OAS3: variants seen among roughly 807,000 people sequenced by gnomAD.
OAS3 encodes 2'-5'-oligoadenylate synthase 3.
Under a neutral mutation model 113.0 loss-of-function variants are expected in OAS3, and 107 were observed. The ratio of observed to expected loss-of-function variants is 0.95; its 90% CI spans 0.81 to 1.11. The LOEUF (loss-of-function observed/expected upper bound fraction) is 1.11, where lower values mean the gene tolerates loss of function less well. OAS3 is among the 50% of genes most tolerant of loss of function. The pLI is 0.00. For synonymous variants in OAS3, 552 were observed against 573.6 expected (o/e 0.96, Z 0.54); for missense variants, 1,258 against 1,389.1 (o/e 0.91, Z 1.50).
chr12:112,940,543 G>A (rs2043670501), intron 1 of OAS3, among the ~76,000 whole-genome samples: 1 of 152,174 alleles, frequency 6.6e-6, no homozygotes, highest in East Asian at 1.9e-4. Flanking sequence ...TCCTCAGGTT[G>A]GAAGCTTTGC....
intron 7 of OAS3, among the ~76,000 whole-genome samples, chr12:112,959,174 G>A (rs187968474): frequency 1.3e-5 from 2 of 152,298 alleles, no homozygotes; most frequent in Admixed American, 6.5e-5. Context: ...CTGGTGTGCC[G>A]TTTGCTAAGA....
In OAS3 at chr12:112,948,035, C is replaced by A. The variant is rs1201736751; in HGVS notation, c.965C>A (p.Ser322Tyr). ...GATTTGCTAGCCCAGGAGGCAGCATCCTGCTATGACCACCCATGCTTTCTG... is the reference window on the plus strand; with the variant it reads ...GATTTGCTAGCCCAGGAGGCAGCATACTGCTATGACCACCCATGCTTTCTG... ...HWDLLAQEAA[S>Y]CYDHPCFLRG... is the part of the protein sequence containing the mutation. The change falls in exon 5 of 16, where the codon TCC (serine) becomes TAC (tyrosine). Residue 322 changes from serine (S) to tyrosine (Y), a missense_variant. By Grantham distance (144) the Ser-to-Tyr change is moderately radical. Coordinates refer to ENST00000228928, the MANE Select transcript of OAS3 (RefSeq NM_006187.4). 1.3e-6 allele frequency: 2 copies of A among 1,596,210 alleles called. No homozygotes were observed. Among genetic ancestry groups the A allele is most frequent in the South Asian group, 1.1e-5 (1 of 88,962 alleles).
intron 11 of OAS3, among the ~76,000 whole-genome samples, 199 bp downstream of exon 11, chr12:112,964,607 T>C (rs2043918181): frequency 6.6e-6 from 1 of 151,814 alleles, no homozygotes. Flanking sequence ...TGGTTGCTAG[T>C]GACACCTAAC....
In OAS3 at chr12:112,971,013, G is replaced by C. The variant is rs1205957762; in HGVS notation, c.*1040G>C. The stretch of plus-strand genomic sequence containing the variant: ...TGTTTCTCTCTGCCCTCTAGAGCAA[G>C]GCCCACCAGGTCCATCCAGGAGGCT... On this transcript the variant is annotated 3_prime_UTR_variant, in exon 16 of 16. Coordinates refer to ENST00000228928, the MANE Select transcript of OAS3 (RefSeq NM_006187.4). 1 of 152,306 alleles carries C rather than the reference G, an allele frequency of 6.6e-6. No individual in the cohort carries two copies. Among genetic ancestry groups the C allele is most frequent in the Non-Finnish European group, 1.5e-5 (1 of 68,146 alleles). The allele number at this position is 152,306 out of a possible 1,614,324, so 9.4% of individuals were successfully genotyped here. A position where few individuals can be genotyped will look rare whatever the true frequency, so the allele number is the denominator to read the frequency against.
rs1315232997 is a variant in OAS3, at chr12:112,969,694, G to T, written c.3191G>T (p.Cys1064Phe). The change falls in exon 15 of 16, where the codon TGC becomes TTC. Residue 1064 changes from cysteine (C) to phenylalanine (F), a missense_variant. Physicochemically the swap from Cys to Phe is radical, Grantham distance 205. Coordinates refer to ENST00000228928, the MANE Select transcript of OAS3 (RefSeq NM_006187.4). ...WDLLAKEAAA[C>F]TSALCCMGRN... Reference sequence around the variant, plus strand: ...CTGCTGGCCAAGGAAGCTGCAGCCTGCACATCTGCCCTGTGCTGCATGGGA... The same window carrying T: ...CTGCTGGCCAAGGAAGCTGCAGCCTTCACATCTGCCCTGTGCTGCATGGGA... 1 of 1,612,754 alleles carries T rather than the reference G, an allele frequency of 6.2e-7. No individual in the cohort carries two copies.
At position 112,970,260 on chromosome 12, in the gene OAS3, A is replaced by G. The variant is rs45437793; in HGVS notation, c.*287A>G. ...CTGTCACTTCCATGACTCTATCCTC[A>G]TACCACCACTGCTGCTTCCCACCCA... is the stretch of plus-strand genomic sequence containing the variant. On this transcript the variant is annotated 3_prime_UTR_variant, in exon 16 of 16. Coordinates refer to ENST00000228928, the MANE Select transcript of OAS3 (RefSeq NM_006187.4). 794 of 507,288 alleles carry G rather than the reference A, an allele frequency of 1.6e-3. No homozygotes were observed. Among genetic ancestry groups the G allele is most frequent in the African/African-American group, 0.013 (703 of 52,098 alleles). The allele number at this position is 507,288 out of a possible 1,614,324, so 31.4% of individuals were successfully genotyped here. A position where few individuals can be genotyped will look rare whatever the true frequency, so the allele number is the denominator to read the frequency against.
intron 7 of OAS3, among the ~76,000 whole-genome samples, chr12:112,957,103 G>A (rs1188641100): frequency 1.3e-5 from 2 of 152,118 alleles, no homozygotes; most frequent in East Asian, 3.8e-4. Flanking sequence ...GGCCTTCTTT[G>A]TCTCTTTTGA....
rs1363170262 is a variant in OAS3, at chr12:112,944,594, C to T, written c.579C>T (p.Asn193=). 1 of 1,614,086 alleles carries T rather than the reference C, an allele frequency of 6.2e-7. No individual in the cohort carries two copies. Residue 193 remains asparagine, a synonymous_variant, in exon 3 of 16, where the codon AAC becomes AAT. Transcript: ENST00000228928. ...CFTELRRNFV[N]IRPAKLKNLI... ...CAGAGCTGCGGAGGAACTTTGTGAA[C>T]ATTCGCCCAGCCAAGTTGAAGAACC...
At chr12:112,944,072 C>T (rs147381630) in intron 2 of OAS3, among the ~76,000 whole-genome samples, 11 of 152,298 alleles carry the variant, frequency 7.2e-5, no homozygotes, top group African/African-American at 2.6e-4. Flanking sequence ...TTTTCCTCTC[C>T]GTGACACCTC....
rs1345013153 is a variant in OAS3, at chr12:112,967,786, A to G, written c.2866-150A>G. ...GATGGGGGTGATAAAACTATGTCAC[A>G]GGATGTGATGGGATAATGCATGGCA... On this transcript the variant is annotated intron_variant, in intron 13 of 15. Transcript: ENST00000228928. 3 of 1,067,186 alleles carry G rather than the reference A, an allele frequency of 2.8e-6. No homozygotes were observed. In the East Asian group the frequency reaches 7.8e-5, roughly 28 times the overall value. The allele number at this position is 1,067,186 out of a possible 1,614,324, so 66.1% of individuals were successfully genotyped here.
At chr12:112,942,560 A>T (rs983717595) in intron 2 of OAS3, among the ~76,000 whole-genome samples, 11 of 151,950 alleles carry the variant, frequency 7.2e-5, no homozygotes, top group South Asian at 2.1e-4. Context: ...TAATAATTTT[A>T]AAAAATAGCC....
chr12:112,962,501 G>T (rs2043896126), intron 8 of OAS3, 151 bp from the exon 9 acceptor site: 5 of 954,026 alleles, frequency 5.2e-6, no homozygotes, highest in Admixed American at 2.4e-5. Context: ...CTGAACCTCA[G>T]TTTACCCACC....
At chr12:112,962,586 T>A in intron 8 of OAS3, 66 bp from the exon 9 acceptor site, 1 of 1,560,150 alleles carries the variant, frequency 6.4e-7, no homozygotes, top group Non-Finnish European at 8.7e-7. Context: ...CTGCCCCAAG[T>A]GCTTATGGCC....
Position 112,961,166 on chromosome 12 carries a change from G to A in OAS3, c.1753G>A (p.Glu585Lys). The change falls in exon 8 of 16, where the codon GAG (glutamate) becomes AAG (lysine). Residue 585 changes from glutamate (E) to lysine (K), a missense_variant. Transcript: ENST00000228928. ...GGGCGAGCATAAGGCCTGCTTCGCA[G>A]AGCTGCGGAGGAACTTCATGAACAT... ...QEGEHKACFA[E>K]LRRNFMNIRP... 1.2e-6 allele frequency: 2 copies of A among 1,613,398 alleles called. No individual in the cohort carries two copies. Among genetic ancestry groups the A allele is most frequent in the Non-Finnish European group, 1.7e-6 (2 of 1,179,896 alleles).
chr12:112,947,142 C>T (rs2043741177), intron 4 of OAS3, among the ~76,000 whole-genome samples, 161 bp downstream of exon 4: 1 of 152,230 alleles, frequency 6.6e-6, no homozygotes, highest in South Asian at 2.1e-4. Flanking sequence ...CCCAGATGCA[C>T]ATTAGAATTA....
chr12:112,968,233 C>A (rs1234573339), intron 14 of OAS3, 59 bp downstream of exon 14: 3 of 1,548,760 alleles, frequency 1.9e-6, no homozygotes, highest in Admixed American at 1.9e-5. Flanking sequence ...ACTCTCCCCA[C>A]TTTCTAGATT....
In OAS3 at chr12:112,961,391, C is replaced by A. The variant is rs1013509726; in HGVS notation, c.1833+145C>A. 1.2e-5 allele frequency: 9 copies of A among 724,430 alleles called. No homozygotes were observed. The African/African-American group carries it at 1.6e-4, about 13-fold the overall frequency. The allele number at this position is 724,430 out of a possible 1,614,324, so 44.9% of individuals were successfully genotyped here. ...AGAAGGACCGGCCTCCTCCATCCTCCATTTCCTGCCCAGATCTGGAAGCCA... is the reference window on the plus strand; with the variant it reads ...AGAAGGACCGGCCTCCTCCATCCTCAATTTCCTGCCCAGATCTGGAAGCCA... On this transcript the variant is annotated intron_variant, in intron 8 of 15. Transcript: ENST00000228928.
intron 7 of OAS3, among the ~76,000 whole-genome samples, chr12:112,951,272 T>A (rs1051811900): frequency 2.0e-5 from 3 of 152,122 alleles, no homozygotes; most frequent in African/African-American, 4.8e-5. Context: ...CTGCTTGGTA[T>A]TTTTTTAAAG....
Position 112,949,197 on chromosome 12 carries a change from G to A in OAS3, c.1366G>A (p.Val456Ile), listed in dbSNP as rs185547332. The A allele has an allele frequency of 9.4e-4, 1,516 of 1,608,114 alleles. 2 individuals are homozygous for A. Among genetic ancestry groups the A allele is most frequent in the Admixed American group, 1.5e-3 (87 of 59,652 alleles). ...HENCVHKASR[V>I]SKGGSFGRGT... ...GAACTGTGTTCACAAGGCCTCAAGA[G>A]TCAGTAAAGTGAGTTGGGCCAGTGG... The change falls in exon 6 of 16, where the codon GTC becomes ATC. Residue 456 changes from valine to isoleucine, a missense_variant. By Grantham distance (29) the Val-to-Ile change is conservative. Transcript: ENST00000228928.
Sources: allele counts gnomAD v4.1 joint callset (sites outside exome capture counted in the v4.1 genomes callset), GRCh38; gene constraint gnomAD v4.1.1; transcripts MANE v1.5; gene names NCBI Gene and HGNC (gene_info 2026-07-23, HGNC 2026-07-21).